The following ABI3BP variants were observed in gnomAD, a reference collection of about 807,000 sequenced individuals.
The protein encoded by ABI3BP is target of Nesh-SH3.
A neutral mutation model predicts 268.6 loss-of-function variants in ABI3BP; 216 were observed. The ratio of observed to expected loss-of-function variants is 0.80; its 90% CI spans 0.72 to 0.90. The LOEUF (loss-of-function observed/expected upper bound fraction) is 0.90. Among genes scored for constraint, ABI3BP ranks in the 40% least tolerant of loss-of-function variants. The pLI is 0.00. For missense variants in ABI3BP, 2,090 were observed against 2,182.4 expected, an observed-to-expected ratio of 0.96 and a Z score of 0.84; for synonymous variants, 730 against 730.0, an observed-to-expected ratio of 1.00 and a Z score of 0.00.
chr3:100,809,270 C>T (rs567839629), intron 49 of ABI3BP, among the ~76,000 whole-genome samples: 2 of 152,098 alleles, frequency 1.3e-5, no homozygotes, highest in African/African-American at 4.8e-5. Flanking sequence ...TTTTAAAGAA[C>T]CCTTCCAATC....
intron 9 of ABI3BP, among the ~76,000 whole-genome samples, chr3:100,869,857 T>C (rs2099093319): frequency 6.6e-6 from 1 of 152,226 alleles, no homozygotes; most frequent in South Asian, 2.1e-4. Context: ...CTATTTCTTC[T>C]GTACATTTTT....
At chr3:100,991,381 T>C (rs1239105292) in intron 1 of ABI3BP, among the ~76,000 whole-genome samples, 2 of 152,226 alleles carry the variant, frequency 1.3e-5, no homozygotes, top group African/African-American at 2.4e-5. Context: ...AGATCTTCTA[T>C]GGAAAAGAGG....
At chr3:100,970,399 C>T (rs2083076457) in intron 1 of ABI3BP, among the ~76,000 whole-genome samples, 2 of 152,154 alleles carry the variant, frequency 1.3e-5, no homozygotes, top group African/African-American at 2.4e-5. Context: ...AGGGAACACA[C>T]TAAAAAATAT....
In ABI3BP at chr3:100,850,107, G is replaced by T. The variant is rs367988964; in HGVS notation, c.1439C>A (p.Thr480Lys). The T allele has an allele frequency of 1.9e-6, 3 of 1,608,402 alleles. No individual in the cohort carries two copies. The highest frequency in any genetic ancestry group is 1.6e-4 in the Middle Eastern group (1 of 6,078). ...QPRATLAPSE[T>K]PFVPQKLEIF... Reference sequence around the variant, plus strand: ...TTCCAGTTTTTGAGGAACAAATGGTGTTTCACTTGGAGCTGAAAGCACAAA... The same window carrying T: ...TTCCAGTTTTTGAGGAACAAATGGTTTTTCACTTGGAGCTGAAAGCACAAA... Residue 480 changes from threonine to lysine, a missense_variant, in exon 17 of 68, where the codon ACA becomes AAA. Thr to Lys is a moderately conservative substitution (Grantham distance 78, BLOSUM62 -1). Transcript: ENST00000471714.
intron 2 of ABI3BP, among the ~76,000 whole-genome samples, chr3:100,907,912 G>A (rs1370483384): frequency 1.7e-4 from 26 of 151,976 alleles, no homozygotes; most frequent in Admixed American, 1.4e-3. Flanking sequence ...TCAGGAGATC[G>A]AGACCATCCT....
chr3:100,830,106 C>CATATAT (rs1472426726), intron 32 of ABI3BP, among the ~76,000 whole-genome samples: 8 of 77,032 alleles, frequency 1.0e-4, no homozygotes, highest in African/African-American at 2.8e-4. Context: ...TACATACATA[C>CATATAT]ATACATATAT....
intron 50 of ABI3BP, among the ~76,000 whole-genome samples, chr3:100,805,312 G>A (rs1425149082): frequency 6.6e-6 from 1 of 151,932 alleles, no homozygotes; most frequent in African/African-American, 2.4e-5. Flanking sequence ...AGTCCTCTTG[G>A]GCAACAGCAG....
chr3:100,778,226 A>G, intron 59 of ABI3BP, 58 bp downstream of exon 59: 3 of 1,519,190 alleles, frequency 2.0e-6, no homozygotes, highest in Non-Finnish European at 2.7e-6. Context: ...AGAAGAGCTT[A>G]TGTTGGCTAG....
intron 17 of ABI3BP, among the ~76,000 whole-genome samples, chr3:100,849,301 C>T (rs1007312484): frequency 6.7e-6 from 1 of 148,400 alleles, no homozygotes; most frequent in Non-Finnish European, 1.5e-5. Context: ...CCTTGGCTCA[C>T]TGTAACCTTG....
chr3:100,990,930 C>T (rs1271257497), intron 1 of ABI3BP, among the ~76,000 whole-genome samples: 3 of 152,062 alleles, frequency 2.0e-5, no homozygotes, highest in Admixed American at 2.0e-4. Flanking sequence ...AAATATTGGC[C>T]TGTGATCAAT....
intron 1 of ABI3BP, among the ~76,000 whole-genome samples, chr3:100,957,243 T>C (rs1384681487): frequency 6.6e-6 from 1 of 152,150 alleles, no homozygotes; most frequent in Admixed American, 6.5e-5. Context: ...AGCTAAAAAA[T>C]TTGTAGATGA....
rs1316519052 is a variant in ABI3BP, at chr3:100,951,359, C to T, written c.80-24878G>A. Among the ~76,000 whole-genome samples the T allele has an allele frequency of 1.3e-5, 2 of 151,932 alleles. 1 individual carries two copies. Among genetic ancestry groups the T allele is most frequent in the African/African-American group, 4.8e-5 (2 of 41,238 alleles). ...CCATCTCTCTCCCTTACTTCTATTCCTCCTCTGGCCCTCATAACATGGCAA... is the reference window on the plus strand; with the variant it reads ...CCATCTCTCTCCCTTACTTCTATTCTTCCTCTGGCCCTCATAACATGGCAA... On this transcript the variant is annotated intron_variant, in intron 1 of 67. Transcript: ENST00000471714.
At chr3:100,830,106 C>CATACATATATATATATATATAT (rs1315752066) in intron 32 of ABI3BP, among the ~76,000 whole-genome samples, 1 of 77,038 alleles carries the variant, frequency 1.3e-5, no homozygotes, top group Non-Finnish European at 2.3e-5. Flanking sequence ...TACATACATA[C>CATACATATATATATATATATAT]ATACATATAT....
intron 1 of ABI3BP, chr3:100,931,006 C>T (rs2063453183): frequency 6.6e-6 from 1 of 152,088 alleles, no homozygotes; most frequent in Non-Finnish European, 1.5e-5. Flanking sequence ...ATCAAGTAGG[C>T]TTTATTTCTG....
chr3:100,830,936 C>T (rs761301573), intron 31 of ABI3BP, among the ~76,000 whole-genome samples: 5 of 152,084 alleles, frequency 3.3e-5, no homozygotes, highest in Non-Finnish European at 5.9e-5. Flanking sequence ...GAAAATCTGG[C>T]TAGTCATTTT....
At chr3:100,751,208 A>T (rs558147480) in intron 67 of ABI3BP, among the ~76,000 whole-genome samples, 58 of 152,322 alleles carry the variant, frequency 3.8e-4, no homozygotes, top group African/African-American at 1.3e-3. Flanking sequence ...AGTAGTTAAA[A>T]AATTTTTTTT....
intron 1 of ABI3BP, among the ~76,000 whole-genome samples, chr3:100,972,220 G>T (rs1231626438): frequency 6.6e-6 from 1 of 152,176 alleles, no homozygotes; most frequent in Non-Finnish European, 1.5e-5. Flanking sequence ...AGATAATTGT[G>T]TGAAAGTGCT....
At chr3:100,940,364 T>C (rs913788615) in intron 1 of ABI3BP, among the ~76,000 whole-genome samples, 3 of 152,028 alleles carry the variant, frequency 2.0e-5, no homozygotes, top group African/African-American at 7.2e-5. Flanking sequence ...TAAATGTCCA[T>C]GAAATCTTCA....
chr3:100,777,882 G>C (rs564275701), intron 59 of ABI3BP, among the ~76,000 whole-genome samples: 14 of 152,340 alleles, frequency 9.2e-5, no homozygotes, highest in South Asian at 4.1e-4. Context: ...TTGGATAGGA[G>C]AGCTTTCAGT....
Sources: allele counts gnomAD v4.1 joint callset (sites outside exome capture counted in the v4.1 genomes callset), GRCh38; gene constraint gnomAD v4.1.1; transcripts MANE v1.5; gene names NCBI Gene and HGNC (gene_info 2026-07-23, HGNC 2026-07-21).